Variants in GRIK2 observed in about 807,000 individuals in gnomAD.
GRIK2 encodes the protein glutamate ionotropic receptor kainate type subunit 2, also known as glutamate receptor ionotropic, kainate 2.
In GRIK2, 32 loss-of-function variants were observed where a neutral mutation model predicts 100.3. The ratio of observed to expected loss-of-function variants is 0.32; its 90% CI spans 0.24 to 0.43. The LOEUF is 0.43. Among genes scored for constraint, GRIK2 ranks in the 20% least tolerant of loss-of-function variants. The pLI, the probability that GRIK2 is intolerant of heterozygous loss-of-function variation, is 1.00. For missense variants in GRIK2, 843 were observed against 1,114.9 expected, an observed-to-expected ratio of 0.76 and a Z score of 3.47; for synonymous variants, 417 against 389.4, an observed-to-expected ratio of 1.07 and a Z score of -0.83.
chr6:101,579,221 A>C (rs890840016), intron 2 of GRIK2, among the ~76,000 whole-genome samples: 2 of 152,146 alleles, frequency 1.3e-5, no homozygotes, highest in Non-Finnish European at 2.9e-5. Flanking sequence ...AAAGAAATGA[A>C]GTATATATTC....
intron 15 of GRIK2, among the ~76,000 whole-genome samples, chr6:102,053,011 T>C (rs1273360410): frequency 6.6e-6 from 1 of 151,884 alleles, no homozygotes; most frequent in Non-Finnish European, 1.5e-5. Flanking sequence ...GAGGTTGCAG[T>C]GAGCCAAGAT....
intron 12 of GRIK2, among the ~76,000 whole-genome samples, chr6:101,920,518 A>G (rs1023983912): frequency 2.0e-5 from 3 of 151,934 alleles, no homozygotes; most frequent in Admixed American, 6.6e-5. Flanking sequence ...TGTTACTACT[A>G]AAACCCAAGG....
intron 2 of GRIK2, among the ~76,000 whole-genome samples, chr6:101,603,222 T>A (rs1369941889): frequency 6.6e-6 from 1 of 151,632 alleles, no homozygotes; most frequent in Non-Finnish European, 1.5e-5. Flanking sequence ...CTGAATACAG[T>A]AGAATTTCAC....
At chr6:101,405,327 T>C (rs537106669) in intron 2 of GRIK2, among the ~76,000 whole-genome samples, 1 of 152,252 alleles carries the variant, frequency 6.6e-6, no homozygotes, top group South Asian at 2.1e-4. Context: ...TAATAAAACA[T>C]TTTTAAGAGC....
chr6:101,885,452 A>C (rs1463251075), intron 11 of GRIK2, among the ~76,000 whole-genome samples: 1 of 152,086 alleles, frequency 6.6e-6, no homozygotes, highest in Non-Finnish European at 1.5e-5. Context: ...ACTTTCCTTA[A>C]GATCTCAGGT....
Position 101,981,923 on chromosome 6 carries a change from G to A in GRIK2, c.2085+53291G>A, listed in dbSNP as rs373752905. The stretch of plus-strand genomic sequence containing the variant: ...ATAGAAGTGCATGGTTAGGCAAAAT[G>A]AGAAAGAAAATCAAAGGTAGAATAA... On this transcript the variant is annotated intron_variant, in intron 14 of 16. Coordinates refer to ENST00000369134, the MANE Select transcript of GRIK2 (RefSeq NM_021956.5). Among the ~76,000 whole-genome samples the A allele has an allele frequency of 6.6e-5, 10 of 152,012 alleles. 1 individual carries two copies. The highest frequency in any genetic ancestry group is 2.4e-4 in the African/African-American group (10 of 41,540).
chr6:101,548,259 A>G (rs540041760), intron 2 of GRIK2, among the ~76,000 whole-genome samples: 2 of 152,204 alleles, frequency 1.3e-5, no homozygotes, highest in Non-Finnish European at 2.9e-5. Context: ...ATTGTCTCCC[A>G]TTTTGTAGGT....
At chr6:101,783,963 A>G (rs549734797) in intron 7 of GRIK2, among the ~76,000 whole-genome samples, 1 of 152,336 alleles carries the variant, frequency 6.6e-6, no homozygotes, top group African/African-American at 2.4e-5. Context: ...ATTGGATCTT[A>G]TGTTTAAAAA....
chr6:101,648,304 C>G (rs1781624660), intron 4 of GRIK2, among the ~76,000 whole-genome samples: 1 of 151,980 alleles, frequency 6.6e-6, no homozygotes, highest in Non-Finnish European at 1.5e-5. Flanking sequence ...CACTAAATGC[C>G]TGTCACTGTT....
At chr6:101,883,030 T>G (rs1410909121) in intron 11 of GRIK2, among the ~76,000 whole-genome samples, 2 of 151,872 alleles carry the variant, frequency 1.3e-5, no homozygotes, top group African/African-American at 4.8e-5. Flanking sequence ...TTTTTATCCT[T>G]TTATATGATC....
chr6:101,937,596 A>T (rs561229277), intron 14 of GRIK2, among the ~76,000 whole-genome samples: 1 of 152,296 alleles, frequency 6.6e-6, no homozygotes, highest in African/African-American at 2.4e-5. Context: ...TATATCTTAC[A>T]TAAAAAAACT....
At chr6:101,534,676 A>G (rs1775602748) in intron 2 of GRIK2, among the ~76,000 whole-genome samples, 1 of 151,848 alleles carries the variant, frequency 6.6e-6, no homozygotes, top group Admixed American at 6.6e-5. Flanking sequence ...GAAGCATATT[A>G]TCCTATAAAC....
intron 7 of GRIK2, among the ~76,000 whole-genome samples, chr6:101,792,964 T>C (rs1779994977): frequency 6.6e-6 from 1 of 152,186 alleles, no homozygotes; most frequent in African/African-American, 2.4e-5. Context: ...CATTTCATCT[T>C]CCATCACTGA....
At chr6:101,878,100 T>G in intron 11 of GRIK2, among the ~76,000 whole-genome samples, 1 of 143,826 alleles carries the variant, frequency 7.0e-6, no homozygotes, top group South Asian at 2.1e-4. Flanking sequence ...TTATATTATA[T>G]TATATTATAT....
intron 10 of GRIK2, among the ~76,000 whole-genome samples, chr6:101,837,563 A>G (rs1464043431): frequency 1.3e-5 from 2 of 152,206 alleles, no homozygotes; most frequent in East Asian, 3.8e-4. Flanking sequence ...GGAAAAAAAG[A>G]AAAAGGGAAA....
intron 7 of GRIK2, among the ~76,000 whole-genome samples, chr6:101,784,292 T>A (rs1195806792): frequency 6.6e-6 from 1 of 152,228 alleles, no homozygotes; most frequent in Non-Finnish European, 1.5e-5. Context: ...GCTCCAGCAG[T>A]GGCTAAAAGC....
intron 2 of GRIK2, among the ~76,000 whole-genome samples, chr6:101,407,263 A>G (rs1775643268): frequency 6.6e-6 from 1 of 152,136 alleles, no homozygotes; most frequent in Admixed American, 6.5e-5. Flanking sequence ...CTCAAAATGA[A>G]TGAAAACTAT....
intron 7 of GRIK2, among the ~76,000 whole-genome samples, chr6:101,730,526 G>T (rs1775188166): frequency 6.6e-6 from 1 of 151,876 alleles, no homozygotes; most frequent in South Asian, 2.1e-4. Flanking sequence ...GTGCTGGCAG[G>T]TATGCTATTT....
rs144813484 is a variant in GRIK2 at position 101,726,907 on chromosome 6, A to C, written c.951+40554A>C. Among the ~76,000 whole-genome samples, 511 of 151,876 alleles carry C rather than the reference A, an allele frequency of 3.4e-3. 4 individuals carry two copies. Among genetic ancestry groups the C allele is most frequent in the African/African-American group, 0.011 (436 of 41,488 alleles). On this transcript the variant is annotated intron_variant, in intron 7 of 16. Transcript: ENST00000369134. ...TCATGAAAGCAGACAAAGTGATACT[A>C]TATTCTGAAGTTATTATGCTGTTGG...
Sources: allele counts gnomAD v4.1 joint callset (sites outside exome capture counted in the v4.1 genomes callset), GRCh38; gene constraint gnomAD v4.1.1; transcripts MANE v1.5; gene names NCBI Gene and HGNC (gene_info 2026-07-23, HGNC 2026-07-21).